Variants in BRCA2 observed in about 807,000 individuals in gnomAD.
The protein encoded by BRCA2 is BRCA2 DNA repair associated.
BRCA2 carries 203 observed loss-of-function variants against 276.7 expected under a neutral mutation model. The observed-to-expected ratio is 0.73, with a 90% confidence interval of 0.65 to 0.82. The LOEUF (loss-of-function observed/expected upper bound fraction) is 0.82, where lower values mean the gene tolerates loss of function less well. Ranked by LOEUF, BRCA2 falls within the 40% of genes least tolerant of loss-of-function variation. The pLI is 0.00. For synonymous variants in BRCA2, 1,289 were observed against 1,338.4 expected (o/e 0.96, Z 0.81); for missense variants, 3,920 against 3,915.0 (o/e 1.00, Z -0.03).
Position 32,334,931 on chromosome 13 carries a change from T to G in BRCA2, c.1910-1334T>G, listed in dbSNP as rs1337567790. Among the ~76,000 whole-genome samples the G allele has an allele frequency of 2.6e-5, 4 of 152,240 alleles. No homozygotes were observed. The South Asian group carries it at 6.2e-4, about 24-fold the overall frequency. ...TTATCTCCCTATGAGAAGACTTTAG[T>G]GAATAGCTCAGTGAATAGTAGAGTT... is the stretch of plus-strand genomic sequence containing the variant. On this transcript the variant is annotated intron_variant, in intron 10 of 26. Transcript: ENST00000380152.
At position 32,398,804 on chromosome 13, in the gene BRCA2, T is replaced by C. The variant is rs2073058927; in HGVS notation, c.*34T>C. 2 of 1,608,320 alleles carry C rather than the reference T, an allele frequency of 1.2e-6. No homozygotes were observed. Among genetic ancestry groups the C allele is most frequent in the Non-Finnish European group, 8.5e-7 (1 of 1,177,616 alleles). ...AAAGGCGACAATAAATTATTGACGC[T>C]TAACCTTTCCAGTTTATAAGACTGG... On this transcript the variant is annotated 3_prime_UTR_variant, in exon 27 of 27. Coordinates refer to ENST00000380152, the MANE Select transcript of BRCA2 (RefSeq NM_000059.4).
chr13:32,365,441 C>T (rs941884054), intron 18 of BRCA2, among the ~76,000 whole-genome samples: 6 of 152,172 alleles, frequency 3.9e-5, no homozygotes, highest in East Asian at 1.9e-4. Context: ...AGTGCAATGG[C>T]GTGACCTCTG....
intron 24 of BRCA2, among the ~76,000 whole-genome samples, chr13:32,391,988 T>C (rs2073000069): frequency 6.6e-6 from 1 of 152,320 alleles, no homozygotes. Flanking sequence ...AAACAAGATA[T>C]ATTTAAAAAG....
In BRCA2 at chr13:32,367,752, G is replaced by A. The variant is rs145964736; in HGVS notation, c.8332-2650G>A. ...AGAGGTTGCAGCGAGTTGAGATCGT[G>A]CTACTGCACTTCAGCCTGGGTGACA... On this transcript the variant is annotated intron_variant, in intron 18 of 26. Coordinates refer to ENST00000380152, the MANE Select transcript of BRCA2 (RefSeq NM_000059.4). 1.2e-3 allele frequency among the ~76,000 whole-genome samples: 184 copies of A among 152,102 alleles called. 2 individuals are homozygous for A. Among genetic ancestry groups the A allele is most frequent in the African/African-American group, 4.1e-3 (172 of 41,474 alleles).
In BRCA2 at chr13:32,379,868, CAT is replaced by C. The variant is rs397508034; in HGVS notation, c.9074_9075del (p.Ile3025ThrfsTer18). 1 of 1,613,836 alleles carries C rather than the reference CAT, an allele frequency of 6.2e-7. No individual in the cohort carries two copies. Among genetic ancestry groups the C allele is most frequent in the Non-Finnish European group, 8.5e-7 (1 of 1,179,816 alleles). On this transcript the variant is annotated frameshift_variant, in exon 23 of 27. Transcript: ENST00000380152. LOFTEE classifies it high-confidence loss of function. ...CTAAAAGTAAATCTGAAAGAGCTAA[CAT>C]ACAGTTAGCAGCGACAAAAAAAACT... ...KSKSKSERAN[I>X]QLAATKKTQY...
intron 20 of BRCA2, among the ~76,000 whole-genome samples, chr13:32,373,392 G>T (rs1407556808): frequency 6.6e-6 from 1 of 151,898 alleles, no homozygotes; most frequent in South Asian, 2.1e-4. Context: ...TGTAATCCCA[G>T]CTATTCCAGA....
chr13:32,357,676 T>C, intron 15 of BRCA2, 66 bp from the exon 16 acceptor site: 1 of 1,522,328 alleles, frequency 6.6e-7, no homozygotes, highest in Non-Finnish European at 9.0e-7. Context: ...TTATAATTGT[T>C]TTTATTGTGT....
intron 13 of BRCA2, among the ~76,000 whole-genome samples, chr13:32,352,196 T>C (rs2137550534): frequency 6.6e-6 from 1 of 152,288 alleles, no homozygotes; most frequent in Middle Eastern, 3.4e-3. Flanking sequence ...CACATACACA[T>C]ATGTAGAAAG....
Position 32,344,514 on chromosome 13 carries a change from G to A in BRCA2, c.6842-44G>A, listed in dbSNP as rs757232635. ...CTATAGACTTTTGAGAAATAAAACT[G>A]ATATTATTTGCCTTAAAAACATATA... On this transcript the variant is annotated intron_variant, in intron 11 of 26. Coordinates refer to ENST00000380152, the MANE Select transcript of BRCA2 (RefSeq NM_000059.4). 4.8e-6 allele frequency: 6 copies of A among 1,261,142 alleles called. No homozygotes were observed. The Admixed American group carries it at 1.1e-4, about 24-fold the overall frequency. The allele number at this position is 1,261,142 out of a possible 1,614,324, so 78.1% of individuals were successfully genotyped here. A position where few individuals can be genotyped will look rare whatever the true frequency, so the allele number is the denominator to read the frequency against.
intron 16 of BRCA2, among the ~76,000 whole-genome samples, chr13:32,358,876 G>A (rs1331112656): frequency 6.6e-6 from 1 of 151,996 alleles, no homozygotes; most frequent in Non-Finnish European, 1.5e-5. Flanking sequence ...GGAGGTTGCA[G>A]TGAGCCAAGA....
intron 15 of BRCA2, among the ~76,000 whole-genome samples, chr13:32,357,299 A>G (rs1207693708): frequency 6.6e-6 from 1 of 152,198 alleles, no homozygotes; most frequent in African/African-American, 2.4e-5. Flanking sequence ...AAACAAAAAG[A>G]CACTTTGGGT....
chr13:32,339,015 A>G lies in BRCA2; in HGVS notation c.4660A>G (p.Ser1554Gly), dbSNP rs2072510232. ...TTTTGATGAAAAAGAGCAAGGTACT[A>G]GTGAAATCACCAGTTTTAGCCATCA... ...NLFDEKEQGT[S>G]EITSFSHQWA... Residue 1554 changes from serine (S) to glycine (G), a missense_variant, in exon 11 of 27, where the codon AGT (serine) becomes GGT (glycine). Ser to Gly is a moderately conservative substitution (Grantham distance 56). Transcript: ENST00000380152. 1.2e-6 allele frequency: 2 copies of G among 1,614,008 alleles called. No homozygotes were observed. The highest frequency in any genetic ancestry group is 4.5e-5 in the East Asian group (2 of 44,868).
intron 18 of BRCA2, among the ~76,000 whole-genome samples, chr13:32,367,808 C>A (rs1164547583): frequency 6.6e-6 from 1 of 151,778 alleles, no homozygotes; most frequent in Non-Finnish European, 1.5e-5. Flanking sequence ...CTCAGAAAAA[C>A]AACAAAAACT....
At chr13:32,369,994 C>T (rs2072816124) in intron 18 of BRCA2, among the ~76,000 whole-genome samples, 2 of 152,234 alleles carry the variant, frequency 1.3e-5, no homozygotes, top group Admixed American at 1.3e-4. Context: ...TTGTCATTTA[C>T]TTGTTCCACA....
intron 3 of BRCA2, among the ~76,000 whole-genome samples, chr13:32,323,146 ATTT>A (rs781721694): frequency 2.3e-3 from 309 of 134,004 alleles, no homozygotes; most frequent in Non-Finnish European, 2.9e-3. Context: ...TGTTTGTTTT[ATTT>A]AATTTTTTTT....
chr13:32,379,688 A>T (rs2137621428), intron 22 of BRCA2, 62 bp from the exon 23 acceptor site: 2 of 1,569,298 alleles, frequency 1.3e-6, no homozygotes, highest in Non-Finnish European at 1.8e-6. Context: ...ATTTATTTTG[A>T]AACAAACATT....
intron 24 of BRCA2, among the ~76,000 whole-genome samples, chr13:32,380,889 G>A (rs150108966): frequency 1.3e-5 from 2 of 152,174 alleles, no homozygotes; most frequent in Non-Finnish European, 2.9e-5. Context: ...AAGTTCAATA[G>A]CATGAATCTG....
intron 24 of BRCA2, among the ~76,000 whole-genome samples, chr13:32,390,498 G>A (rs565264281): frequency 6.6e-6 from 1 of 152,196 alleles, no homozygotes; most frequent in South Asian, 2.1e-4. Context: ...TCATATTCCT[G>A]ATGCATGATA....
intron 2 of BRCA2, among the ~76,000 whole-genome samples, chr13:32,318,527 C>T (rs888628612): frequency 5.9e-5 from 9 of 151,966 alleles, no homozygotes; most frequent in African/African-American, 1.9e-4. Flanking sequence ...CTGCAACCAC[C>T]GCCTCCTGGG....
Sources: allele counts gnomAD v4.1 joint callset (sites outside exome capture counted in the v4.1 genomes callset), GRCh38; gene constraint gnomAD v4.1.1; transcripts MANE v1.5; gene names NCBI Gene and HGNC (gene_info 2026-07-23, HGNC 2026-07-21).